HOOK1: variants seen among roughly 807,000 people sequenced by gnomAD.
HOOK1 encodes protein Hook homolog 1.
In HOOK1, 60 loss-of-function variants were observed where a neutral mutation model predicts 112.8. The observed-to-expected ratio is 0.53, with a 90% CI of 0.43 to 0.66. The LOEUF (loss-of-function observed/expected upper bound fraction) is 0.66, where lower values mean the gene tolerates loss of function less well. Ranked by LOEUF, HOOK1 falls within the 30% of genes least tolerant of loss-of-function variation. The probability of loss-of-function intolerance (pLI) is 0.00; values close to 1 mark genes in which losing one functional copy is unlikely to be tolerated. For missense variants in HOOK1, 770 were observed against 856.0 expected, an observed-to-expected ratio of 0.90 and a Z score of 1.25; for synonymous variants, 294 against 283.8, an observed-to-expected ratio of 1.04 and a Z score of -0.36.
chr1:59,852,446 T>C (rs1423791207), intron 12 of HOOK1, among the ~76,000 whole-genome samples: 1 of 151,728 alleles, frequency 6.6e-6, no homozygotes, highest in East Asian at 1.9e-4. Flanking sequence ...TTGTTATTTC[T>C]TCTTTATTTC....
At chr1:59,867,710 G>A (rs982928812) in intron 19 of HOOK1, among the ~76,000 whole-genome samples, 6 of 151,908 alleles carry the variant, frequency 3.9e-5, no homozygotes, top group Non-Finnish European at 7.4e-5. Context: ...ACATAAATGC[G>A]ATTCAGCACC....
At chr1:59,870,733 G>C (rs910983766) in intron 20 of HOOK1, 1 of 194,826 alleles carries the variant, frequency 5.1e-6, no homozygotes, top group African/African-American at 2.4e-5. Context: ...TAAGCCACTC[G>C]TTACTTTTTT....
In HOOK1 at chr1:59,875,069, A is replaced by T. The variant is rs1429962715; in HGVS notation, c.*2104A>T. ...GCATGGTATTTAACATTTTCTAAAT[A>T]TTATGGCATTTTGACATATTTTAGT... On this transcript the variant is annotated 3_prime_UTR_variant, in exon 22 of 22. Coordinates refer to ENST00000371208, the MANE Select transcript of HOOK1 (RefSeq NM_015888.6). 1 of 152,606 alleles carries T rather than the reference A, an allele frequency of 6.6e-6. No homozygotes were observed. The highest frequency in any genetic ancestry group is 2.4e-5 in the African/African-American group (1 of 41,446). The allele number at this position is 152,606 out of a possible 1,614,324, so 9.5% of individuals were successfully genotyped here. A position where few individuals can be genotyped will look rare whatever the true frequency, so the allele number is the denominator to read the frequency against.
intron 14 of HOOK1, 71 bp downstream of exon 14, chr1:59,859,116 G>A (rs1380008726): frequency 1.1e-5 from 7 of 637,974 alleles, no homozygotes; most frequent in Non-Finnish European, 1.6e-5. Context: ...TAAATGTCTT[G>A]GCCTTTAAAA....
At chr1:59,834,745 C>G (rs566697712) in intron 5 of HOOK1, among the ~76,000 whole-genome samples, 2 of 151,782 alleles carry the variant, frequency 1.3e-5, no homozygotes, top group African/African-American at 4.8e-5. Context: ...CTTATTTTTG[C>G]TTAATTAATC....
chr1:59,817,099 G>A (rs146841044), intron 1 of HOOK1, among the ~76,000 whole-genome samples: 101 of 152,162 alleles, frequency 6.6e-4, no homozygotes, highest in Non-Finnish European at 1.0e-3. Flanking sequence ...TTCCCTTTCT[G>A]TATTTACAAC....
At chr1:59,824,559 C>T (rs1240374584) in intron 2 of HOOK1, among the ~76,000 whole-genome samples, 4 of 152,158 alleles carry the variant, frequency 2.6e-5, no homozygotes, top group East Asian at 1.9e-4. Context: ...TGGCTGACAT[C>T]GTGTCACATC....
rs145148442 is a variant in HOOK1, at chr1:59,853,220, C to T, written c.1242+4037C>T. On this transcript the variant is annotated intron_variant, in intron 12 of 21. Transcript: ENST00000371208. The stretch of plus-strand genomic sequence containing the variant: ...TATTGAAAGTAGGATACTGATATTT[C>T]CAATTGTTGTTATATCATCTCTTTT... 6.3e-3 allele frequency among the ~76,000 whole-genome samples: 962 copies of T among 152,016 alleles called. 10 individuals carry two copies. Among genetic ancestry groups the T allele is most frequent in the Non-Finnish European group, 0.011 (715 of 67,888 alleles).
intron 10 of HOOK1, among the ~76,000 whole-genome samples, chr1:59,847,848 A>T (rs1250279895): frequency 6.6e-6 from 1 of 151,668 alleles, no homozygotes; most frequent in Non-Finnish European, 1.5e-5. Flanking sequence ...TAAGTCAGGT[A>T]AGCACAACTC....
At position 59,856,942 on chromosome 1, in the gene HOOK1, C is replaced by T. The variant is rs751490394; in HGVS notation, c.1243-1486C>T. On this transcript the variant is annotated intron_variant, in intron 12 of 21. Transcript: ENST00000371208. ...GTACTTGGCTGACCTTCGAGATCTC[C>T]GGGAACATGTCAGAGCTTTTTAAAG... 7.3e-4 allele frequency among the ~76,000 whole-genome samples: 111 copies of T among 152,166 alleles called. 1 individual carries two copies. Among genetic ancestry groups the T allele is most frequent in the Non-Finnish European group, 1.2e-3 (82 of 68,008 alleles).
chr1:59,862,581 G>A (rs535563997), intron 15 of HOOK1, among the ~76,000 whole-genome samples: 1 of 152,138 alleles, frequency 6.6e-6, no homozygotes, highest in East Asian at 1.9e-4. Flanking sequence ...ATACTTTCAG[G>A]AAAAAAGTTT....
intron 7 of HOOK1, among the ~76,000 whole-genome samples, 177 bp from the exon 8 acceptor site, chr1:59,840,131 G>A (rs2098400270): frequency 6.6e-6 from 1 of 152,094 alleles, no homozygotes; most frequent in Non-Finnish European, 1.5e-5. Context: ...GTTCATCAGG[G>A]ATATTGGCCT....
chr1:59,864,852 A>C (rs895331508), intron 17 of HOOK1, 186 bp downstream of exon 17: 1 of 563,840 alleles, frequency 1.8e-6, no homozygotes, highest in African/African-American at 1.9e-5. Context: ...CCAAACTCCT[A>C]CATCTTTCCA....
intron 19 of HOOK1, among the ~76,000 whole-genome samples, chr1:59,866,337 A>G (rs1307807906): frequency 2.0e-5 from 3 of 152,202 alleles, no homozygotes; most frequent in African/African-American, 4.8e-5. Context: ...AAACAGCAAA[A>G]TGGATATTTT....
At chr1:59,858,558 T>C (rs770918729) in intron 13 of HOOK1, 43 bp downstream of exon 13, 4 of 1,242,758 alleles carry the variant, frequency 3.2e-6, no homozygotes, top group Admixed American at 1.7e-5. Context: ...CTGGGCAGCA[T>C]AGTGGGACTC....
chr1:59,862,179 A>G (rs1311103066), intron 15 of HOOK1, among the ~76,000 whole-genome samples: 1 of 152,184 alleles, frequency 6.6e-6, no homozygotes, highest in Non-Finnish European at 1.5e-5. Flanking sequence ...GCAACAGTGG[A>G]ATATTATAGC....
Position 59,849,102 on chromosome 1 carries a change from C to A in HOOK1, c.1161C>A (p.Ser387=). Residue 387 remains serine, a synonymous_variant, in exon 12 of 22, where the codon TCC becomes TCA. Coordinates refer to ENST00000371208, the MANE Select transcript of HOOK1 (RefSeq NM_015888.6). ...QVQDLHVKLS[S]ESKRADTLAF... is the part of the protein sequence containing the mutation. ...AAGATCTTCATGTTAAACTTTCCTCCGAATCCAAGAGGGCAGACACACTAG... is the reference window on the plus strand; with the variant it reads ...AAGATCTTCATGTTAAACTTTCCTCAGAATCCAAGAGGGCAGACACACTAG... The A allele has an allele frequency of 6.2e-7, 1 of 1,607,280 alleles. No individual in the cohort carries two copies. The highest frequency in any genetic ancestry group is 8.5e-7 in the Non-Finnish European group (1 of 1,175,816).
At chr1:59,840,651 A>T (rs1005989930) in intron 8 of HOOK1, among the ~76,000 whole-genome samples, 2 of 152,110 alleles carry the variant, frequency 1.3e-5, no homozygotes, top group Admixed American at 1.3e-4. Flanking sequence ...TTAGATAAGA[A>T]CTCAGTTTTC....
intron 5 of HOOK1, among the ~76,000 whole-genome samples, chr1:59,834,665 T>C: frequency 2.0e-5 from 3 of 152,252 alleles, no homozygotes; most frequent in Middle Eastern, 6.8e-3. Flanking sequence ...TTTTTTGTTG[T>C]AATCGTGATT....
Sources: allele counts gnomAD v4.1 joint callset (sites outside exome capture counted in the v4.1 genomes callset), GRCh38; gene constraint gnomAD v4.1.1; transcripts MANE v1.5; gene names NCBI Gene and HGNC (gene_info 2026-07-23, HGNC 2026-07-21).